CELF4: variants seen among roughly 807,000 people sequenced by gnomAD.
The protein encoded by CELF4 is CUG-BP- and ETR-3-like factor 4.
A neutral mutation model predicts 59.9 loss-of-function variants in CELF4; 18 were observed. The ratio of observed to expected loss-of-function variants is 0.30; its 90% CI spans 0.21 to 0.45. CELF4 has a LOEUF of 0.45. Among genes scored for constraint, CELF4 ranks in the 20% least tolerant of loss-of-function variants. The probability of loss-of-function intolerance (pLI) is 1.00; values close to 1 mark genes in which losing one functional copy is unlikely to be tolerated. For missense variants in CELF4, 456 were observed against 689.0 expected (o/e 0.66, Z 3.79); for synonymous variants, 261 against 267.1 (o/e 0.98, Z 0.22).
intron 2 of CELF4, among the ~76,000 whole-genome samples, chr18:37,326,432 G>A (rs1451341929): frequency 6.6e-6 from 1 of 152,188 alleles, no homozygotes; most frequent in Non-Finnish European, 1.5e-5. Flanking sequence ...GTCCTCCCCG[G>A]AGGGCCCTGT....
chr18:37,408,147 C>T (rs1941944), intron 2 of CELF4, among the ~76,000 whole-genome samples: 13,349 of 152,120 alleles, frequency 0.088, 609 homozygotes, highest in Middle Eastern at 0.11. Context: ...CCCACCTCAC[C>T]GCCCTCCTCT....
chr18:37,493,191 T>A (rs1246841969), intron 1 of CELF4, among the ~76,000 whole-genome samples: 1 of 152,208 alleles, frequency 6.6e-6, no homozygotes, highest in African/African-American at 2.4e-5. Flanking sequence ...CCTAAGAACA[T>A]CATCCTTTCC....
intron 1 of CELF4, chr18:37,485,872 C>A (rs560900457): frequency 6.3e-6 from 2 of 318,742 alleles, no homozygotes; most frequent in Non-Finnish European, 1.1e-5. Flanking sequence ...CCACACCCCC[C>A]TCTCCTTACG....
chr18:37,359,098 A>C (rs1256964810), intron 2 of CELF4, among the ~76,000 whole-genome samples: 1 of 150,782 alleles, frequency 6.6e-6, no homozygotes, highest in East Asian at 2.0e-4. Context: ...ACTGTCTCCA[A>C]AAAAAACAAA....
intron 10 of CELF4, 88 bp downstream of exon 10, chr18:37,264,586 C>A (rs745813402): frequency 8.7e-7 from 1 of 1,146,866 alleles, no homozygotes; most frequent in South Asian, 1.3e-5. Flanking sequence ...ACCTTTCCAA[C>A]GCACACCCCA....
In CELF4 at chr18:37,518,359, G is replaced by A. The variant is rs16969022; in HGVS notation, c.287-32752C>T. Among the ~76,000 whole-genome samples, 1,228 of 152,264 alleles carry A rather than the reference G, an allele frequency of 8.1e-3. 19 individuals carry two copies. Among genetic ancestry groups the A allele is most frequent in the African/African-American group, 0.028 (1,162 of 41,536 alleles). ...ATAAGCGACACACAGCCCGTGGCTC[G>A]CTTTATAGCGTGATTATGACCCTGT... On this transcript the variant is annotated intron_variant, in intron 1 of 12. Transcript: ENST00000420428.
intron 2 of CELF4, among the ~76,000 whole-genome samples, chr18:37,338,075 CA>C (rs1348099561): frequency 1.5e-5 from 2 of 132,678 alleles, no homozygotes; most frequent in African/African-American, 6.0e-5. Context: ...CTGTCACTGA[CA>C]CCATTGTCAC....
intron 1 of CELF4, among the ~76,000 whole-genome samples, chr18:37,500,063 A>G (rs2099929782): frequency 6.6e-6 from 1 of 152,132 alleles, no homozygotes; most frequent in African/African-American, 2.4e-5. Context: ...GCAAAGGGAG[A>G]GCAAGCCAGA....
At chr18:37,319,995 G>A (rs967941346) in intron 3 of CELF4, among the ~76,000 whole-genome samples, 3 of 152,168 alleles carry the variant, frequency 2.0e-5, no homozygotes, top group African/African-American at 7.2e-5. Flanking sequence ...GGGTAGGCTG[G>A]GGCCACCTTG....
At chr18:37,319,594 G>A (rs993736716) in intron 3 of CELF4, among the ~76,000 whole-genome samples, 15 of 152,232 alleles carry the variant, frequency 9.9e-5, no homozygotes, top group African/African-American at 3.6e-4. Flanking sequence ...AGTGTTCTGA[G>A]CAGGCACAGG....
chr18:37,494,802 C>T (rs531260155), intron 1 of CELF4, among the ~76,000 whole-genome samples: 1 of 152,138 alleles, frequency 6.6e-6, no homozygotes, highest in Non-Finnish European at 1.5e-5. Context: ...TGAGGACGGG[C>T]CATGCTCAGG....
At chr18:37,490,961 G>A (rs1365444716) in intron 1 of CELF4, among the ~76,000 whole-genome samples, 1 of 152,114 alleles carries the variant, frequency 6.6e-6, no homozygotes, top group African/African-American at 2.4e-5. Flanking sequence ...TGAGTTACGG[G>A]ATCAAGCAGG....
At chr18:37,543,622 C>A (rs1260370436) in intron 1 of CELF4, among the ~76,000 whole-genome samples, 1 of 152,194 alleles carries the variant, frequency 6.6e-6, no homozygotes, top group Non-Finnish European at 1.5e-5. Context: ...TGGCTGGAAC[C>A]AGCAGCCGGA....
intron 2 of CELF4, among the ~76,000 whole-genome samples, chr18:37,361,740 GCTTTTAAAGC>G (rs930695362): frequency 6.6e-6 from 1 of 152,030 alleles, no homozygotes; most frequent in African/African-American, 2.4e-5. Flanking sequence ...GTTTTAAGTG[GCTTTTAAAGC>G]CTTTGCTCCA....
In CELF4 at chr18:37,439,995, C is replaced by T. The variant is rs1016630391; in HGVS notation, c.369+45530G>A. Among the ~76,000 whole-genome samples, 9 of 152,314 alleles carry T rather than the reference C, an allele frequency of 5.9e-5. No individual in the cohort carries two copies. The South Asian group carries it at 8.3e-4, about 14-fold the overall frequency. On this transcript the variant is annotated intron_variant, in intron 2 of 12. Transcript: ENST00000420428. The stretch of plus-strand genomic sequence containing the variant: ...TGGTCCTGGGGATGGCCCACCTCTG[C>T]CACTCAAGGCCACAGCAAGGTGCTG...
At chr18:37,544,110 G>T (rs553345687) in intron 1 of CELF4, among the ~76,000 whole-genome samples, 1 of 152,122 alleles carries the variant, frequency 6.6e-6, no homozygotes, top group African/African-American at 2.4e-5. Context: ...GGGCAAGGGC[G>T]GCAAGGCCAG....
At chr18:37,491,801 T>A (rs2099906537) in intron 1 of CELF4, among the ~76,000 whole-genome samples, 1 of 152,114 alleles carries the variant, frequency 6.6e-6, no homozygotes, top group South Asian at 2.1e-4. Context: ...GTGCAAGGGG[T>A]ACTGCTGTGG....
In CELF4 at chr18:37,253,943, C is replaced by A; in HGVS notation, c.1334-5G>T. On this transcript the variant is annotated splice_polypyrimidine_tract_variant and splice_region_variant and intron_variant, in intron 11 of 12. Transcript: ENST00000420428. This position sits in a 1 kb window ranked among gnomAD's most constrained non-coding sequence, Gnocchi z 4.5. ...GGTTGTCGAAGCTCACGAAGCCTGG[C>A]GAGACACGAGGGACGAGGGCCTGGG... is the stretch of plus-strand genomic sequence containing the variant. 2 of 1,596,974 alleles carry A rather than the reference C, an allele frequency of 1.3e-6. No individual in the cohort carries two copies. The highest frequency in any genetic ancestry group is 1.1e-5 in the South Asian group (1 of 89,374).
intron 2 of CELF4, among the ~76,000 whole-genome samples, chr18:37,372,194 C>T (rs535013866): frequency 1.5e-4 from 23 of 152,146 alleles, no homozygotes; most frequent in Non-Finnish European, 2.8e-4. Context: ...ATGTTTATTG[C>T]GGCACTATTC....
Sources: gnomAD v4.1 joint callset for allele counts (sites outside exome capture counted in the v4.1 genomes callset) on GRCh38, gnomAD v4.1.1 for gene constraint, Gnocchi (gnomAD v3.1) non-coding constraint, MANE v1.5 for transcripts, NCBI Gene and HGNC (gene_info 2026-07-23, HGNC 2026-07-21) for gene names.